Variants in SETMAR observed in about 807,000 individuals in gnomAD.
SETMAR encodes the protein SET and mariner transposase domain methyltransferase, also known as histone-lysine N-methyltransferase SETMAR.
Under a neutral mutation model 58.4 loss-of-function variants are expected in SETMAR, and 44 were observed. That is an observed-to-expected ratio of 0.75 (90% CI 0.59 to 0.97). The LOEUF (loss-of-function observed/expected upper bound fraction) is 0.97. Ranked by LOEUF, SETMAR falls within the 50% of genes least tolerant of loss-of-function variation. SETMAR has a pLI of 0.00. For synonymous variants in SETMAR, 332 were observed against 307.4 expected (o/e 1.08, Z -0.84); for missense variants, 903 against 840.2 (o/e 1.07, Z -0.92).
At position 4,317,186 on chromosome 3, in the gene SETMAR, A is replaced by G. The variant is rs575772657; in HGVS notation, c.1995A>G (p.Ile665Met). The change falls in exon 3 of 3, where the codon ATA becomes ATG. Residue 665 changes from isoleucine (I) to methionine (M), a missense_variant. Coordinates refer to ENST00000358065, the MANE Select transcript of SETMAR (RefSeq NM_006515.4). ...SQSTDFYATG[I>M]NQLISRWQKC... ...GCACGGATTTTTACGCTACAGGAAT[A>G]AACCAACTTATTTCTCGTTGGCAAA... The G allele has an allele frequency of 1.9e-6, 3 of 1,550,168 alleles. No individual in the cohort carries two copies. The highest frequency in any genetic ancestry group is 3.9e-5 in the Admixed American group (2 of 50,980).
In SETMAR at chr3:4,316,632, C is replaced by T. The variant is rs747481924; in HGVS notation, c.1441C>T (p.Leu481=). ...RRFEVSSSLI[L]RNHNEPFLDR... is the part of the protein sequence containing the mutation. ...TTTTGAAGTGTCATCTTCTCTTATTCTACGCAACCACAACGAACCATTTCT... is the reference window on the plus strand; with the variant it reads ...TTTTGAAGTGTCATCTTCTCTTATTTTACGCAACCACAACGAACCATTTCT... Residue 481 remains leucine (L), a synonymous_variant, in exon 3 of 3, where the codon CTA becomes TTA. Coordinates refer to ENST00000358065, the MANE Select transcript of SETMAR (RefSeq NM_006515.4). The T allele has an allele frequency of 6.4e-7, 1 of 1,551,224 alleles. No individual in the cohort carries two copies. The highest frequency in any genetic ancestry group is 8.7e-7 in the Non-Finnish European group (1 of 1,146,740).
Position 4,304,123 on chromosome 3 carries a change from C to G in SETMAR, c.156+597C>G, listed in dbSNP as rs148990558. On this transcript the variant is annotated intron_variant, in intron 1 of 2. Transcript: ENST00000358065. ...CTCAGTAAATGTTTGCTTCTATTAA[C>G]TACCTCAAAGCCCTTTCTACTCTCC... 2.1e-3 allele frequency: 375 copies of G among 175,600 alleles called. 3 individuals are homozygous for G. Among genetic ancestry groups the G allele is most frequent in the African/African-American group, 8.4e-3 (350 of 41,690 alleles). 10.9% of individuals were successfully genotyped at this position (175,600 alleles called of 1,614,324 possible).
chr3:4,314,409 C>T (rs557122268), intron 2 of SETMAR: 5 of 152,670 alleles, frequency 3.3e-5, no homozygotes, highest in East Asian at 1.9e-4. Context: ...CTGACTCCTG[C>T]GTCCTACTTA....
At chr3:4,306,882 T>C (rs1698210996) in intron 1 of SETMAR, among the ~76,000 whole-genome samples, 1 of 152,230 alleles carries the variant, frequency 6.6e-6, no homozygotes, top group Admixed American at 6.5e-5. Flanking sequence ...CATATCATAA[T>C]GTCATCAGTG....
Position 4,313,319 on chromosome 3 carries a change from T to G in SETMAR, c.578T>G (p.Ile193Ser). 3 of 1,614,038 alleles carry G rather than the reference T, an allele frequency of 1.9e-6. No homozygotes were observed. The highest frequency in any genetic ancestry group is 2.2e-5 in the East Asian group (1 of 44,884). Residue 193 changes from isoleucine to serine, a missense_variant, in exon 2 of 3, where the codon ATT becomes AGT. Coordinates refer to ENST00000358065, the MANE Select transcript of SETMAR (RefSeq NM_006515.4). ...CAAACAAAATCCGACTCCAATTACATTATAGCCATCAGGGAACATGTTTAT... is the reference window on the plus strand; with the variant it reads ...CAAACAAAATCCGACTCCAATTACAGTATAGCCATCAGGGAACATGTTTAT... Reference protein sequence around the residue: ...HLQTKSDSNYIIAIREHVYNG... With the variant: ...HLQTKSDSNYSIAIREHVYNG...
In SETMAR at chr3:4,313,428, C is replaced by T; in HGVS notation, c.687C>T (p.Asn229=). 1 of 1,614,008 alleles carries T rather than the reference C, an allele frequency of 6.2e-7. No individual in the cohort carries two copies. Among genetic ancestry groups the T allele is most frequent in the Admixed American group, 1.7e-5 (1 of 59,988 alleles). The part of the protein sequence containing the change: ...GRFLNHSCEP[N]LLMIPVRIDS... ...TCCTTAATCATTCTTGTGAGCCAAA[C>T]CTTTTGATGATTCCTGTCCGAATTG... Residue 229 remains asparagine, a synonymous_variant, in exon 2 of 3, where the codon AAC becomes AAT. Transcript: ENST00000358065.
chr3:4,307,283 G>A (rs1213397339), intron 1 of SETMAR, among the ~76,000 whole-genome samples: 1 of 152,162 alleles, frequency 6.6e-6, no homozygotes, highest in Non-Finnish European at 1.5e-5. Context: ...GCTGCAATCT[G>A]GCAATCGAAA....
In SETMAR at chr3:4,317,234, C is replaced by T. The variant is rs1396368269; in HGVS notation, c.2043C>T (p.Ser681=). 1.3e-6 allele frequency: 2 copies of T among 1,535,726 alleles called. No homozygotes were observed. Among genetic ancestry groups the T allele is most frequent in the South Asian group, 2.4e-5 (2 of 83,406 alleles). Residue 681 remains serine, a synonymous_variant, in exon 3 of 3, where the codon TCC becomes TCT. Transcript: ENST00000358065. ...AAAAATGTGTTGATTGTAATGGTTC[C>T]TATTTTGATTAATAAAAATGCGTTG... The part of the protein sequence containing the change: ...RWQKCVDCNG[S]YFD
intron 1 of SETMAR, among the ~76,000 whole-genome samples, chr3:4,307,134 A>C (rs1463515721): frequency 6.6e-6 from 1 of 152,234 alleles, no homozygotes; most frequent in Non-Finnish European, 1.5e-5. Flanking sequence ...AAAGGAATGA[A>C]GATTTTCACA....
Position 4,316,213 on chromosome 3 carries a change from C to G in SETMAR, c.1022C>G (p.Thr341Ser), listed in dbSNP as rs1698638036. 3 of 695,546 alleles carry G rather than the reference C, an allele frequency of 4.3e-6. No homozygotes were observed. The South Asian group carries it at 4.6e-5, about 11-fold the overall frequency. The allele number at this position is 695,546 out of a possible 1,614,324, so 43.1% of individuals were successfully genotyped here. A position where few individuals can be genotyped will look rare whatever the true frequency, so the allele number is the denominator to read the frequency against. ...FPSCKRLTLE[T>S]MKMMLDKKQI... Reference sequence around the variant, plus strand: ...ACTTGCTGTTTATGTTTATTTTAGACTATGAAAATGATGTTAGACAAAAAG... The same window carrying G: ...ACTTGCTGTTTATGTTTATTTTAGAGTATGAAAATGATGTTAGACAAAAAG... The change falls in exon 3 of 3, where the codon ACT (threonine) becomes AGT (serine). Residue 341 changes from threonine (T) to serine (S), a missense_variant and splice_region_variant. Transcript: ENST00000358065.
At chr3:4,310,730 C>A (rs1698372869) in intron 1 of SETMAR, among the ~76,000 whole-genome samples, 1 of 152,030 alleles carries the variant, frequency 6.6e-6, no homozygotes, top group Non-Finnish European at 1.5e-5. Context: ...CACCTGCTTT[C>A]CTGATTAGAA....
intron 1 of SETMAR, chr3:4,303,816 G>A (rs908222018): frequency 7.3e-7 from 1 of 1,378,524 alleles, no homozygotes; most frequent in African/African-American, 1.5e-5. Flanking sequence ...AGAACTCAAG[G>A]AGGCATCACG....
intron 1 of SETMAR, among the ~76,000 whole-genome samples, chr3:4,309,717 A>G (rs1410169835): frequency 6.6e-6 from 1 of 152,136 alleles, no homozygotes; most frequent in Non-Finnish European, 1.5e-5. Context: ...CCAGGCAAAC[A>G]CTACAGTTGA....
intron 2 of SETMAR, among the ~76,000 whole-genome samples, chr3:4,314,782 A>C (rs1404052442): frequency 6.6e-6 from 1 of 152,314 alleles, no homozygotes; most frequent in South Asian, 2.1e-4. Context: ...AAATACAGTT[A>C]CTGTGGAGGT....
At chr3:4,310,932 T>G (rs766211930) in intron 1 of SETMAR, among the ~76,000 whole-genome samples, 1 of 152,242 alleles carries the variant, frequency 6.6e-6, no homozygotes, top group Non-Finnish European at 1.5e-5. Context: ...CATTTACATT[T>G]GAACACTGAA....
At position 4,313,387 on chromosome 3, in the gene SETMAR, G is replaced by T. The variant is rs756547868; in HGVS notation, c.646G>T (p.Gly216Ter). 29 of 1,613,718 alleles carry T rather than the reference G, an allele frequency of 1.8e-5. No individual in the cohort carries two copies. In the East Asian group the frequency reaches 6.2e-4, roughly 35 times the overall value. ...AACATTTGTTGACCCTACTTATATA[G>T]GAAATATTGGAAGATTCCTTAATCA... ...METFVDPTYIGNIGRFLNHSC... is the reference protein window; with the variant it reads ...METFVDPTYI Residue 216 changes from glycine (G) to a stop codon, truncating the protein, a stop_gained, in exon 2 of 3, where the codon GGA (glycine) becomes TGA (stop). Transcript: ENST00000358065. LOFTEE classifies it high-confidence loss of function.
rs1360590619 is a variant in SETMAR at position 4,316,696 on chromosome 3, A to G, written c.1505A>G (p.Tyr502Cys). 43 of 1,550,994 alleles carry G rather than the reference A, an allele frequency of 2.8e-5. No homozygotes were observed. The highest frequency in any genetic ancestry group is 3.4e-5 in the Non-Finnish European group (39 of 1,146,780). The stretch of plus-strand genomic sequence containing the variant: ...ACGTGTGATGAAAAGTGGATTTTAT[A>G]TGACAACCGGCGACGATCAGCTCAG... Reference protein sequence around the residue: ...IVTCDEKWILYDNRRRSAQWL... With the variant: ...IVTCDEKWILCDNRRRSAQWL... Residue 502 changes from tyrosine (Y) to cysteine (C), a missense_variant, in exon 3 of 3, where the codon TAT (tyrosine) becomes TGT (cysteine). Physicochemically the swap from Tyr to Cys is radical, Grantham distance 194 (BLOSUM62 -2). Coordinates refer to ENST00000358065, the MANE Select transcript of SETMAR (RefSeq NM_006515.4).
chr3:4,314,212 C>T (rs1292070372), intron 2 of SETMAR: 3 of 168,660 alleles, frequency 1.8e-5, no homozygotes, highest in African/African-American at 7.2e-5. Context: ...TCCTGTCAGT[C>T]GTGATCTGAC....
In SETMAR at chr3:4,313,364, C is replaced by CA; in HGVS notation, c.624dup (p.Phe209IlefsTer3). 2 of 1,613,964 alleles carry CA rather than the reference C, an allele frequency of 1.2e-6. No homozygotes were observed. Among genetic ancestry groups the CA allele is most frequent in the Non-Finnish European group, 1.7e-6 (2 of 1,179,942 alleles). ...GTTTATAATGGGCAGGTAATGGAAA[C>CA]ATTTGTTGACCCTACTTATATAGGA... On this transcript the variant is annotated frameshift_variant, in exon 2 of 3. Coordinates refer to ENST00000358065, the MANE Select transcript of SETMAR (RefSeq NM_006515.4). LOFTEE classifies it high-confidence loss of function.
Sources: allele counts gnomAD v4.1 joint callset (sites outside exome capture counted in the v4.1 genomes callset), GRCh38; gene constraint gnomAD v4.1.1; transcripts MANE v1.5; gene names NCBI Gene and HGNC (gene_info 2026-07-23, HGNC 2026-07-21).